The following DOCK9 variants were observed in gnomAD, a reference collection of about 807,000 sequenced individuals.
DOCK9 encodes dedicator of cytokinesis protein 9.
DOCK9 carries 89 observed loss-of-function variants against 263.3 expected under a neutral mutation model. The observed-to-expected ratio is 0.34, with a 90% CI of 0.28 to 0.40. The LOEUF (loss-of-function observed/expected upper bound fraction) is 0.40, where lower values mean the gene tolerates loss of function less well. Ranked by LOEUF, DOCK9 falls within the 10% of genes least tolerant of loss-of-function variation. DOCK9 has a pLI of 1.00. For missense variants in DOCK9, 2,140 were observed against 2,603.4 expected (o/e 0.82, Z 3.87); for synonymous variants, 976 against 973.1 (o/e 1.00, Z -0.06).
chr13:98,958,380 T>C (rs559273990), intron 1 of DOCK9, among the ~76,000 whole-genome samples: 1 of 152,380 alleles, frequency 6.6e-6, no homozygotes, highest in South Asian at 2.1e-4. Flanking sequence ...CAGCTAGGCC[T>C]GAATCTCTGC....
At chr13:98,972,382 G>A (rs1325068925) in intron 1 of DOCK9, among the ~76,000 whole-genome samples, 2 of 151,134 alleles carry the variant, frequency 1.3e-5, no homozygotes, top group Non-Finnish European at 2.9e-5. Flanking sequence ...GCCGGAGCTG[G>A]GTGGATTTTA....
intron 2 of DOCK9, among the ~76,000 whole-genome samples, chr13:98,949,222 G>A (rs182328238): frequency 3.3e-5 from 5 of 152,230 alleles, no homozygotes; most frequent in East Asian, 3.9e-4. Flanking sequence ...ACAGGTTTGC[G>A]CCACCATGCC....
At chr13:98,849,112 A>AT (rs34509819) in intron 36 of DOCK9, among the ~76,000 whole-genome samples, 21,759 of 151,552 alleles carry the variant, frequency 0.14, 1,729 homozygotes, top group South Asian at 0.2. Flanking sequence ...ATCTAACAAC[A>AT]TTTTTTTTTA....
intron 45 of DOCK9, among the ~76,000 whole-genome samples, chr13:98,815,810 C>T (rs1187692718): frequency 1.3e-5 from 2 of 152,086 alleles, no homozygotes; most frequent in East Asian, 1.9e-4. Context: ...TGGAAAACTA[C>T]GACCAGTCCA....
chr13:98,807,939 A>T, intron 47 of DOCK9, 132 bp from the exon 48 acceptor site: 1 of 682,726 alleles, frequency 1.5e-6, no homozygotes, highest in Admixed American at 3.2e-5. Context: ...GGCTTTCTGA[A>T]TGAGAAAGAA....
intron 10 of DOCK9, 117 bp downstream of exon 10, chr13:98,904,515 T>G (rs906239172): frequency 4.1e-6 from 3 of 735,814 alleles, no homozygotes; most frequent in African/African-American, 3.6e-5. Flanking sequence ...AAATTTTCTA[T>G]AGTTATTTTG....
chr13:99,026,673 A>T (rs1032721148), intron 1 of DOCK9, among the ~76,000 whole-genome samples: 10 of 152,196 alleles, frequency 6.6e-5, no homozygotes, highest in Admixed American at 6.5e-4. Context: ...CAAAATTTTC[A>T]TCTCTGCTTT....
intron 32 of DOCK9, among the ~76,000 whole-genome samples, chr13:98,862,329 A>G (rs540624176): frequency 6.6e-6 from 1 of 152,258 alleles, no homozygotes; most frequent in African/African-American, 2.4e-5. Context: ...TTATATATCT[A>G]AGATGTAAGT....
intron 1 of DOCK9, among the ~76,000 whole-genome samples, chr13:98,964,552 T>C (rs747533319): frequency 6.6e-6 from 1 of 152,120 alleles, no homozygotes; most frequent in Admixed American, 6.5e-5. Flanking sequence ...GGTCAAAAAA[T>C]ACAAACTAAT....
chr13:99,014,268 C>T (rs780879827), intron 1 of DOCK9, among the ~76,000 whole-genome samples: 2 of 152,196 alleles, frequency 1.3e-5, no homozygotes, highest in Admixed American at 6.5e-5. Context: ...TGGAACAGAG[C>T]GCTACAAGGA....
chr13:98,899,052 ATTTT>A (rs71683157), intron 13 of DOCK9, among the ~76,000 whole-genome samples: 3 of 140,390 alleles, frequency 2.1e-5, no homozygotes, highest in Non-Finnish European at 3.1e-5. Context: ...ACATTACTTA[ATTTT>A]TTTTTTTTTT....
At chr13:98,855,810 T>C (rs1357727969) in intron 34 of DOCK9, 88 bp downstream of exon 34, 2 of 1,526,344 alleles carry the variant, frequency 1.3e-6, no homozygotes, top group Non-Finnish European at 1.8e-6. Flanking sequence ...AAGGTCACAC[T>C]TAAAAGGCAC....
At chr13:99,048,197 T>C (rs2040525631) in intron 1 of DOCK9, among the ~76,000 whole-genome samples, 1 of 143,888 alleles carries the variant, frequency 6.9e-6, no homozygotes, top group South Asian at 2.3e-4. Context: ...TTATCTGTTT[T>C]GTTTTGTTTT....
In DOCK9 at chr13:98,999,316, A is replaced by ACACACACACACACACACTCTCTCT; in HGVS notation, c.130-43766_130-43765insAGAGAGAGTGTGTGTGTGTGTGTG. On this transcript the variant is annotated intron_variant, in intron 1 of 32. Transcript: ENST00000427887. ...CACACACACACACACACACACACAC[A>ACACACACACACACACACTCTCTCT]CTCTCTCTCTCTCTCTCTCTGGAAG... Among the ~76,000 whole-genome samples the ACACACACACACACACACTCTCTCT allele has an allele frequency of 9.5e-3, 1,308 of 138,260 alleles. 24 individuals carry two copies. Among genetic ancestry groups the ACACACACACACACACACTCTCTCT allele is most frequent in the African/African-American group, 0.032 (1,138 of 35,452 alleles). 90.7% of individuals were successfully genotyped at this position (138,260 alleles called of 152,430 possible).
chr13:98,861,247 C>T (rs2093861623), intron 32 of DOCK9, among the ~76,000 whole-genome samples: 1 of 152,144 alleles, frequency 6.6e-6, no homozygotes, highest in Non-Finnish European at 1.5e-5. Flanking sequence ...ATACACACGG[C>T]TCAGCTCAGT....
Position 98,868,009 on chromosome 13 carries a change from T to G in DOCK9, c.3093A>C (p.Arg1031Ser), listed in dbSNP as rs745617325. The change falls in exon 29 of 53, where the codon AGA becomes AGC. Residue 1031 changes from arginine to serine, a missense_variant and splice_region_variant. Arg to Ser is a moderately radical substitution (Grantham distance 110). Coordinates refer to ENST00000682017, the MANE Select transcript of DOCK9 (RefSeq NM_001366683.2). Reference protein sequence around the residue: ...ANHSLAVFIKRCFTFMDRGFV... With the variant: ...ANHSLAVFIKSCFTFMDRGFV... ...AGCCCCTGTCCATGAAGGTGAAACA[T>G]CTCTGTGGAGGAAAACAAGCAAAAA... is the stretch of plus-strand genomic sequence containing the variant. 19 of 1,613,062 alleles carry G rather than the reference T, an allele frequency of 1.2e-5. No individual in the cohort carries two copies. Among genetic ancestry groups the G allele is most frequent in the Non-Finnish European group, 8.5e-7 (1 of 1,179,644 alleles).
intron 27 of DOCK9, among the ~76,000 whole-genome samples, chr13:98,869,936 T>C (rs1335069865): frequency 6.6e-6 from 1 of 152,230 alleles, no homozygotes; most frequent in Non-Finnish European, 1.5e-5. Flanking sequence ...GCTGGATAAC[T>C]GGATTGGAGG....
intron 1 of DOCK9, among the ~76,000 whole-genome samples, chr13:99,000,060 C>T (rs755134250): frequency 2.6e-5 from 4 of 152,168 alleles, no homozygotes; most frequent in Non-Finnish European, 5.9e-5. Context: ...TAGGGCTCTG[C>T]CTGCCTTAAT....
At chr13:98,928,863 G>A (rs1387889142) in intron 3 of DOCK9, among the ~76,000 whole-genome samples, 1 of 152,054 alleles carries the variant, frequency 6.6e-6, no homozygotes, top group African/African-American at 2.4e-5. Flanking sequence ...GTATTTGTCT[G>A]GAATTAAGTT....
Sources: allele counts gnomAD v4.1 joint callset (sites outside exome capture counted in the v4.1 genomes callset), GRCh38; gene constraint gnomAD v4.1.1; transcripts MANE v1.5; gene names NCBI Gene and HGNC (gene_info 2026-07-23, HGNC 2026-07-21).